NDUFC2: variants seen among roughly 807,000 people sequenced by gnomAD.
The protein encoded by NDUFC2 is NADH:ubiquinone oxidoreductase subunit C2, also known as NADH dehydrogenase [ubiquinone] 1 subunit C2.
In NDUFC2, 2 loss-of-function variants were observed where a neutral mutation model predicts 10.1. The ratio of observed to expected loss-of-function variants is 0.20; its 90% confidence interval spans 0.08 to 0.62. The LOEUF (loss-of-function observed/expected upper bound fraction) is 0.62, where lower values mean the gene tolerates loss of function less well. Among genes scored for constraint, NDUFC2 ranks in the 20% least tolerant of loss-of-function variants. The pLI is 0.87. For missense variants in NDUFC2, 156 were observed against 159.6 expected, an observed-to-expected ratio of 0.98 and a Z score of 0.12; for synonymous variants, 61 against 63.6, an observed-to-expected ratio of 0.96 and a Z score of 0.20.
chr11:78,079,210 T>A (rs1451383263), intron 1 of NDUFC2, among the ~76,000 whole-genome samples: 2 of 151,630 alleles, frequency 1.3e-5, no homozygotes, highest in Non-Finnish European at 2.9e-5. Context: ...TTGTGAATAA[T>A]ACATCCCTAA....
intron 1 of NDUFC2, among the ~76,000 whole-genome samples, chr11:78,075,778 A>G (rs990262347): frequency 2.7e-4 from 41 of 152,150 alleles, no homozygotes; most frequent in African/African-American, 9.7e-4. Context: ...TTGTAGAGAC[A>G]AAGTTTCCCT....
intron 2 of NDUFC2, 27 bp from the exon 3 acceptor site, chr11:78,070,063 T>C: frequency 7.0e-7 from 1 of 1,438,184 alleles, no homozygotes; most frequent in Non-Finnish European, 9.6e-7. Context: ...CATAAAAGAT[T>C]TATTTTAAAA....
chr11:78,072,953 T>TAATA, intron 2 of NDUFC2, 45 bp downstream of exon 2: 1 of 1,595,386 alleles, frequency 6.3e-7, no homozygotes, highest in Non-Finnish European at 8.5e-7. Context: ...CCAGGGAAAA[T>TAATA]AATAATACAG....
intron 1 of NDUFC2, among the ~76,000 whole-genome samples, chr11:78,074,648 C>G (rs1015728180): frequency 8.6e-5 from 13 of 151,988 alleles, no homozygotes; most frequent in African/African-American, 2.7e-4. Flanking sequence ...TCCTATCTTT[C>G]TCACAGTAGT....
chr11:78,069,865 T>C lies in NDUFC2; in HGVS notation c.*122A>G. On this transcript the variant is annotated 3_prime_UTR_variant, in exon 3 of 3. Coordinates refer to ENST00000281031, the MANE Select transcript of NDUFC2 (RefSeq NM_004549.6). ...AAAGAGTCAGAGTACTCATGGTACGTATTTTAATTACAAGGTGTCAACATA... is the reference window on the plus strand; with the variant it reads ...AAAGAGTCAGAGTACTCATGGTACGCATTTTAATTACAAGGTGTCAACATA... The C allele has an allele frequency of 6.3e-7, 1 of 1,598,738 alleles. No individual in the cohort carries two copies. The highest frequency in any genetic ancestry group is 8.6e-7 in the Non-Finnish European group (1 of 1,169,374).
chr11:78,079,077 T>A lies in NDUFC2; in HGVS notation c.166+502A>T, dbSNP rs138450480. Among the ~76,000 whole-genome samples the A allele has an allele frequency of 2.8e-5, 4 of 141,676 alleles. No individual in the cohort carries two copies. In the Admixed American group the frequency reaches 2.9e-4, roughly 10 times the overall value. 92.9% of individuals were successfully genotyped at this position (141,676 alleles called of 152,430 possible). A position where few individuals can be genotyped will look rare whatever the true frequency, so the allele number is the denominator to read the frequency against. On this transcript the variant is annotated intron_variant, in intron 1 of 2. Transcript: ENST00000281031. ...TATGCTATTCGTATGCACATTAAGTTTGAGAAGCACTGGTGTCCAATATCC... is the reference window on the plus strand; with the variant it reads ...TATGCTATTCGTATGCACATTAAGTATGAGAAGCACTGGTGTCCAATATCC...
chr11:78,070,128 G>T, intron 2 of NDUFC2, 92 bp from the exon 3 acceptor site: 1 of 843,076 alleles, frequency 1.2e-6, no homozygotes, highest in Non-Finnish European at 1.9e-6. Context: ...CTAATCTTAT[G>T]ATTGAAATCC....
chr11:78,073,911 G>A (rs951616447), intron 1 of NDUFC2, among the ~76,000 whole-genome samples: 17 of 146,980 alleles, frequency 1.2e-4, no homozygotes, highest in Middle Eastern at 3.5e-3. Flanking sequence ...TAGCTCTGTC[G>A]CCCAGGCTGG....
At chr11:78,075,267 A>T (rs1390165054) in intron 1 of NDUFC2, among the ~76,000 whole-genome samples, 1 of 152,068 alleles carries the variant, frequency 6.6e-6, no homozygotes, top group Non-Finnish European at 1.5e-5. Flanking sequence ...AAAAACTTAT[A>T]AAAAAATTCT....
intron 1 of NDUFC2, among the ~76,000 whole-genome samples, chr11:78,076,088 T>C (rs1002696139): frequency 2.0e-5 from 3 of 152,118 alleles, no homozygotes; most frequent in African/African-American, 7.2e-5. Flanking sequence ...CTTTGGAGGA[T>C]TGGGACCATG....
chr11:78,071,825 C>A (rs909823000), intron 2 of NDUFC2, among the ~76,000 whole-genome samples: 1 of 152,124 alleles, frequency 6.6e-6, no homozygotes, highest in South Asian at 2.1e-4. Context: ...AATAACATAG[C>A]AGGAAGAAGG....
intron 1 of NDUFC2, among the ~76,000 whole-genome samples, chr11:78,074,995 C>G (rs866770907): frequency 4.5e-4 from 68 of 152,292 alleles, no homozygotes; most frequent in African/African-American, 1.6e-3. Context: ...TTTTCCTAAC[C>G]TCTCTCCTCA....
chr11:78,072,725 G>A, intron 2 of NDUFC2: 1 of 514,544 alleles, frequency 1.9e-6, no homozygotes, highest in Admixed American at 3.8e-5. Flanking sequence ...TGGCTTGAGT[G>A]TCCAGGTGGA....
chr11:78,079,806 G>A lies in NDUFC2; in HGVS notation c.-62C>T, dbSNP rs1859445523. ...CACGAACTACAAGGAAAACCACGAC[G>A]ACCACTACCCCGGCCTAAGCGGTCA... On this transcript the variant is annotated 5_prime_UTR_variant, in exon 1 of 3. Coordinates refer to ENST00000281031, the MANE Select transcript of NDUFC2 (RefSeq NM_004549.6). 15 of 1,543,486 alleles carry A rather than the reference G, an allele frequency of 9.7e-6. No homozygotes were observed. The East Asian group carries it at 2.6e-4, about 27-fold the overall frequency.
rs1590771543 is a variant in NDUFC2 at position 78,068,779 on chromosome 11, C to T, written c.*1208G>A. ...CAGCCTGATGACAGAGCAAGACTGTCGTCTCAAAAAAAAAAAAAAAAATAC... is the reference window on the plus strand; with the variant it reads ...CAGCCTGATGACAGAGCAAGACTGTTGTCTCAAAAAAAAAAAAAAAAATAC... On this transcript the variant is annotated 3_prime_UTR_variant, in exon 3 of 3. Transcript: ENST00000281031. 1 of 134,596 alleles carries T rather than the reference C, an allele frequency of 7.4e-6. No individual in the cohort carries two copies. The highest frequency in any genetic ancestry group is 2.0e-4 in the East Asian group (1 of 4,966). The allele number at this position is 134,596 out of a possible 1,614,324, so 8.3% of individuals were successfully genotyped here.
intron 1 of NDUFC2, 112 bp downstream of exon 1, chr11:78,079,467 T>G (rs1859412598): frequency 7.1e-7 from 1 of 1,414,274 alleles, no homozygotes; most frequent in Non-Finnish European, 9.3e-7. Context: ...TGGGGCCAGC[T>G]AGGCAAAAAG....
chr11:78,079,091 T>A (rs1859386991), intron 1 of NDUFC2, among the ~76,000 whole-genome samples: 1 of 128,084 alleles, frequency 7.8e-6, no homozygotes, highest in Non-Finnish European at 1.6e-5. Flanking sequence ...GAAGCACTGG[T>A]GTCCAATATC....
rs1858866939 is a variant in NDUFC2 at position 78,068,896 on chromosome 11, G to A, written c.*1091C>T. 2 of 150,540 alleles carry A rather than the reference G, an allele frequency of 1.3e-5. No homozygotes were observed. Among genetic ancestry groups the A allele is most frequent in the South Asian group, 4.2e-4 (2 of 4,788 alleles). 9.3% of individuals were successfully genotyped at this position (150,540 alleles called of 1,614,324 possible). A position where few individuals can be genotyped will look rare whatever the true frequency, so the allele number is the denominator to read the frequency against. On this transcript the variant is annotated 3_prime_UTR_variant, in exon 3 of 3. Coordinates refer to ENST00000281031, the MANE Select transcript of NDUFC2 (RefSeq NM_004549.6). ...GGACAAGTACTTTTTTTTTTGACGG[G>A]GTCTCCTTTGTCACCCAGGCTGGAG... is the stretch of plus-strand genomic sequence containing the variant.
At position 78,079,635 on chromosome 11, in the gene NDUFC2, C is replaced by T. The variant is rs1859429717; in HGVS notation, c.110G>A (p.Gly37Asp). Residue 37 changes from glycine (G) to aspartate (D), a missense_variant, in exon 1 of 3, where the codon GGC becomes GAC. Transcript: ENST00000281031. ...DPRLLYIGFL[G>D]YCSGLIDNLI... The stretch of plus-strand genomic sequence containing the variant: ...GTTATCAATCAGGCCGGAGCAGTAG[C>T]CCAAGAAGCCGATGTAGAGGAGCCG... 1 of 1,583,160 alleles carries T rather than the reference C, an allele frequency of 6.3e-7. No homozygotes were observed. The highest frequency in any genetic ancestry group is 8.6e-7 in the Non-Finnish European group (1 of 1,165,180).
Sources: allele counts gnomAD v4.1 joint callset (sites outside exome capture counted in the v4.1 genomes callset), GRCh38; gene constraint gnomAD v4.1.1; transcripts MANE v1.5; gene names NCBI Gene and HGNC (gene_info 2026-07-23, HGNC 2026-07-21).